The following NUDCD1 variants were observed in gnomAD, a reference collection of about 807,000 sequenced individuals.
NUDCD1 encodes the protein nudC domain-containing protein 1.
In NUDCD1, 60 loss-of-function variants were observed where a neutral mutation model predicts 67.8. The ratio of observed to expected loss-of-function variants is 0.88; its 90% CI spans 0.72 to 1.10. NUDCD1 has a LOEUF of 1.10. Ranked by LOEUF, NUDCD1 falls within the 50% of genes least tolerant of loss-of-function variation. The probability of loss-of-function intolerance (pLI) is 0.00; values close to 1 mark genes in which losing one functional copy is unlikely to be tolerated. For missense variants in NUDCD1, 643 were observed against 695.0 expected (o/e 0.93, Z 0.84); for synonymous variants, 244 against 230.8 (o/e 1.06, Z -0.52).
intron 4 of NUDCD1, among the ~76,000 whole-genome samples, chr8:109,292,409 A>G (rs1449930550): frequency 7.2e-6 from 1 of 139,512 alleles, no homozygotes. Context: ...ATTTATAAAC[A>G]ATTTTGAGAT....
intron 4 of NUDCD1, among the ~76,000 whole-genome samples, chr8:109,290,529 G>C (rs1040676680): frequency 2.6e-5 from 4 of 151,986 alleles, no homozygotes; most frequent in African/African-American, 7.3e-5. Context: ...CTCCCGATAA[G>C]GGGCATTTTA....
At chr8:109,319,443 A>G (rs1388385609) in intron 2 of NUDCD1, among the ~76,000 whole-genome samples, 1 of 152,214 alleles carries the variant, frequency 6.6e-6, no homozygotes, top group Non-Finnish European at 1.5e-5. Flanking sequence ...ATCAACCTCT[A>G]GAATAGAAGA....
At chr8:109,283,319 T>G (rs1585297) in intron 5 of NUDCD1, among the ~76,000 whole-genome samples, 61,664 of 152,010 alleles carry the variant, frequency 0.41, 12,773 homozygotes, top group South Asian at 0.5. Context: ...CCAACCCTAT[T>G]AACTACTGGC....
chr8:109,324,202 G>T (rs143734015), intron 1 of NUDCD1, among the ~76,000 whole-genome samples: 4,922 of 139,680 alleles, frequency 0.035, 104 homozygotes, highest in Middle Eastern at 0.12. Flanking sequence ...TGCTGTTGAA[G>T]CAAAAAAAAA....
chr8:109,275,639 T>A (rs1159691790), intron 6 of NUDCD1, 143 bp from the exon 7 acceptor site: 1 of 677,250 alleles, frequency 1.5e-6, no homozygotes. Context: ...TCTTGCTCAT[T>A]TAAGTTTTGC....
intron 8 of NUDCD1, among the ~76,000 whole-genome samples, chr8:109,250,718 A>G (rs1813604597): frequency 6.6e-6 from 1 of 152,124 alleles, no homozygotes; most frequent in South Asian, 2.1e-4. Flanking sequence ...TGCAACTACT[A>G]GGATGATCAA....
chr8:109,271,677 G>C (rs1461714720), intron 7 of NUDCD1, among the ~76,000 whole-genome samples: 1 of 152,066 alleles, frequency 6.6e-6, no homozygotes, highest in Non-Finnish European at 1.5e-5. Flanking sequence ...GAATGTCAAA[G>C]AACTCCAAGC....
At chr8:109,294,325 G>A (rs181332720) in intron 3 of NUDCD1, among the ~76,000 whole-genome samples, 3 of 152,176 alleles carry the variant, frequency 2.0e-5, no homozygotes, top group East Asian at 1.9e-4. Context: ...GTGCTTTAAT[G>A]TCATCAAGTT....
intron 8 of NUDCD1, among the ~76,000 whole-genome samples, chr8:109,249,460 G>A (rs1416235317): frequency 6.6e-6 from 1 of 152,180 alleles, no homozygotes; most frequent in East Asian, 1.9e-4. Flanking sequence ...CACTTATTCT[G>A]TCTTAATCCC....
At chr8:109,260,730 A>C (rs191296428) in intron 8 of NUDCD1, among the ~76,000 whole-genome samples, 1 of 152,214 alleles carries the variant, frequency 6.6e-6, no homozygotes, top group South Asian at 2.1e-4. Context: ...TGGCCTTGCC[A>C]GATTTGTGCT....
chr8:109,292,509 T>C (rs1212643510), intron 4 of NUDCD1, among the ~76,000 whole-genome samples: 2 of 152,138 alleles, frequency 1.3e-5, no homozygotes, highest in Non-Finnish European at 2.9e-5. Flanking sequence ...AATTGCAAAC[T>C]AGCAGCTATG....
At position 109,274,050 on chromosome 8, in the gene NUDCD1, T is replaced by C. The variant is rs1814219940; in HGVS notation, c.1173+1302A>G. On this transcript the variant is annotated intron_variant, in intron 7 of 9. Coordinates refer to ENST00000239690, the MANE Select transcript of NUDCD1 (RefSeq NM_032869.4). The stretch of plus-strand genomic sequence containing the variant: ...ATAAAAACTCTCAGCACACTACAAA[T>C]AGAAGAAAATTTCTTCAATGTAATA... Among the ~76,000 whole-genome samples the C allele has an allele frequency of 2.6e-5, 4 of 152,076 alleles. No homozygotes were observed. In the South Asian group the frequency reaches 8.3e-4, roughly 31 times the overall value.
chr8:109,277,830 C>A (rs1814332995), intron 6 of NUDCD1, among the ~76,000 whole-genome samples: 1 of 152,094 alleles, frequency 6.6e-6, no homozygotes, highest in African/African-American at 2.4e-5. Flanking sequence ...AAATGTGACT[C>A]ACATACACAT....
intron 8 of NUDCD1, among the ~76,000 whole-genome samples, chr8:109,250,820 A>G (rs1813606664): frequency 6.6e-6 from 1 of 152,154 alleles, no homozygotes; most frequent in African/African-American, 2.4e-5. Context: ...AATAAACCCT[A>G]CTTGGTCATA....
chr8:109,283,078 A>G (rs1194176787), intron 5 of NUDCD1, among the ~76,000 whole-genome samples: 3 of 152,194 alleles, frequency 2.0e-5, no homozygotes, highest in African/African-American at 2.4e-5. Flanking sequence ...ATGAAGGAAG[A>G]GATAAACATC....
intron 6 of NUDCD1, among the ~76,000 whole-genome samples, chr8:109,275,909 C>A (rs930394334): frequency 1.4e-4 from 21 of 152,180 alleles, no homozygotes; most frequent in Admixed American, 3.3e-4. Flanking sequence ...AAGGATAATT[C>A]TTTGTGTCTG....
chr8:109,281,270 GATC>G, intron 5 of NUDCD1, 98 bp from the exon 6 acceptor site: 1 of 691,964 alleles, frequency 1.4e-6, no homozygotes, highest in Non-Finnish European at 2.5e-6. Flanking sequence ...ATTTACTAGT[GATC>G]ATCTCACAAA....
At chr8:109,245,127 C>A (rs1362099881) in intron 9 of NUDCD1, among the ~76,000 whole-genome samples, 195 bp downstream of exon 9, 2 of 152,026 alleles carry the variant, frequency 1.3e-5, no homozygotes, top group African/African-American at 4.8e-5. Flanking sequence ...TCTGTACAAG[C>A]ATAAAAACAG....
chr8:109,325,017 G>A (rs1029625627), intron 1 of NUDCD1, among the ~76,000 whole-genome samples: 1 of 152,172 alleles, frequency 6.6e-6, no homozygotes, highest in Non-Finnish European at 1.5e-5. Flanking sequence ...TTGAACCCAG[G>A]AGGCAGAGGT....
Sources: gnomAD v4.1 joint callset for allele counts (sites outside exome capture counted in the v4.1 genomes callset) on GRCh38, gnomAD v4.1.1 for gene constraint, MANE v1.5 for transcripts, NCBI Gene and HGNC (gene_info 2026-07-23, HGNC 2026-07-21) for gene names.